Variants in FHOD3 observed in about 807,000 individuals in gnomAD.
FHOD3 encodes the protein formin homology 2 domain containing 3.
FHOD3 carries 90 observed loss-of-function variants against 173.0 expected under a neutral mutation model. That is an observed-to-expected ratio of 0.52 (90% CI 0.44 to 0.62). The LOEUF is 0.62. FHOD3 is among the 20% of genes least tolerant of loss of function. The pLI is 0.00. For synonymous variants in FHOD3, 828 were observed against 823.0 expected (o/e 1.01, Z -0.10); for missense variants, 1,945 against 2,034.7 (o/e 0.96, Z 0.85).
intron 3 of FHOD3, among the ~76,000 whole-genome samples, chr18:36,493,764 T>C (rs1279018405): frequency 6.6e-6 from 1 of 152,286 alleles, no homozygotes; most frequent in African/African-American, 2.4e-5. Context: ...ACCTGGACAT[T>C]GCGCCTGTGA....
At position 36,388,762 on chromosome 18, in the gene FHOD3, G is replaced by GACC. The variant is rs2048151955; in HGVS notation, c.337+16029_337+16031dup. On this transcript the variant is annotated intron_variant, in intron 3 of 28. Coordinates refer to ENST00000590592, the MANE Select transcript of FHOD3 (RefSeq NM_001281740.3). ...AAAACCACAAGCAAAAAACAAAACA[G>GACC]ACCACCACCACCAACAATGAAGATG... Among the ~76,000 whole-genome samples the GACC allele has an allele frequency of 2.6e-5, 4 of 152,220 alleles. No individual in the cohort carries two copies. The South Asian group carries it at 8.3e-4, about 31-fold the overall frequency.
At chr18:36,453,438 A>G (rs897878687) in intron 3 of FHOD3, among the ~76,000 whole-genome samples, 19 of 152,254 alleles carry the variant, frequency 1.2e-4, no homozygotes, top group Non-Finnish European at 2.4e-4. Flanking sequence ...GAGTCCTGCA[A>G]CTAACTCCAA....
At chr18:36,709,711 C>A (rs2040067733) in intron 18 of FHOD3, 3 of 323,722 alleles carry the variant, frequency 9.3e-6, no homozygotes, top group African/African-American at 2.1e-5. Context: ...CTCTCACTTC[C>A]CCCTGACTGT....
chr18:36,670,024 C>A (rs192613483), intron 14 of FHOD3, among the ~76,000 whole-genome samples: 88 of 149,992 alleles, frequency 5.9e-4, no homozygotes, highest in Non-Finnish European at 1.1e-3. Flanking sequence ...AAGTTGATAG[C>A]GTTTTTTTTT....
At chr18:36,500,289 T>C (rs2054963083) in intron 3 of FHOD3, among the ~76,000 whole-genome samples, 1 of 152,196 alleles carries the variant, frequency 6.6e-6, no homozygotes, top group Non-Finnish European at 1.5e-5. Flanking sequence ...GCCAAGCAAA[T>C]ACTGAGCTTT....
chr18:36,671,876 A>C (rs532014344), intron 14 of FHOD3, among the ~76,000 whole-genome samples: 1 of 152,204 alleles, frequency 6.6e-6, no homozygotes, highest in African/African-American at 2.4e-5. Context: ...GTTCATTCAC[A>C]AAACAGTGAA....
chr18:36,453,979 TTA>T (rs1192035739), intron 3 of FHOD3, among the ~76,000 whole-genome samples: 1 of 152,206 alleles, frequency 6.6e-6, no homozygotes, highest in Admixed American at 6.5e-5. Flanking sequence ...GTTCTGTTCT[TTA>T]ATATTTAAAA....
chr18:36,734,414 G>C (rs531573700), intron 20 of FHOD3, among the ~76,000 whole-genome samples: 8 of 152,090 alleles, frequency 5.3e-5, no homozygotes, highest in African/African-American at 1.9e-4. Context: ...TCCATACATT[G>C]TCACATGCCC....
chr18:36,446,977 G>A (rs888413764), intron 3 of FHOD3, among the ~76,000 whole-genome samples: 2 of 152,172 alleles, frequency 1.3e-5, no homozygotes, highest in African/African-American at 4.8e-5. Context: ...GAGGTTGAGG[G>A]TGAGGCCAAC....
intron 17 of FHOD3, among the ~76,000 whole-genome samples, chr18:36,708,777 C>T (rs895707983): frequency 2.6e-5 from 4 of 152,204 alleles, no homozygotes; most frequent in Non-Finnish European, 5.9e-5. Context: ...GATCCTTCTC[C>T]TGCTTCGAAT....
Position 36,437,665 on chromosome 18 carries a change from C to CTTTTTTTTTT in FHOD3, c.338-64259_338-64250dup, listed in dbSNP as rs1555704498. Among the ~76,000 whole-genome samples, 25 of 69,456 alleles carry CTTTTTTTTTT rather than the reference C, an allele frequency of 3.6e-4. 1 individual carries two copies. The highest frequency in any genetic ancestry group is 1.0e-3 in the East Asian group (3 of 2,954). 45.6% of individuals were successfully genotyped at this position (69,456 alleles called of 152,430 possible). ...CATTGAGCTTCTGGTTTCTTTCTTT[C>CTTTTTTTTTT]TTTTTTTTTTTTTTTTTAAGACAGA... On this transcript the variant is annotated intron_variant, in intron 3 of 28. Transcript: ENST00000590592.
At chr18:36,640,713 C>T (rs568602758) in intron 10 of FHOD3, among the ~76,000 whole-genome samples, 11 of 152,280 alleles carry the variant, frequency 7.2e-5, no homozygotes, top group Non-Finnish European at 1.2e-4. Flanking sequence ...GCTTTCAGGA[C>T]AGCAGGCAAG....
intron 10 of FHOD3, among the ~76,000 whole-genome samples, chr18:36,633,147 CCTTAT>C (rs2034634687): frequency 6.6e-6 from 1 of 152,212 alleles, no homozygotes; most frequent in Non-Finnish European, 1.5e-5. Context: ...GGCAGTTTCC[CCTTAT>C]CTTCCAGTGT....
At chr18:36,647,028 G>C (rs760690332) in intron 10 of FHOD3, among the ~76,000 whole-genome samples, 20 of 152,166 alleles carry the variant, frequency 1.3e-4, no homozygotes, top group Admixed American at 3.3e-4. Flanking sequence ...CCTGAGGTCG[G>C]GAGTTTGAGA....
At chr18:36,645,962 CA>C (rs890292024) in intron 10 of FHOD3, among the ~76,000 whole-genome samples, 7 of 151,818 alleles carry the variant, frequency 4.6e-5, no homozygotes, top group African/African-American at 1.7e-4. Context: ...GGCTATCTAC[CA>C]AAAAAATCTA....
At chr18:36,504,997 G>A (rs1166242164) in intron 4 of FHOD3, among the ~76,000 whole-genome samples, 3 of 152,158 alleles carry the variant, frequency 2.0e-5, no homozygotes, top group African/African-American at 7.2e-5. Context: ...CCAGTTTTCA[G>A]CTGTGATATA....
At chr18:36,516,528 G>C (rs533185467) in intron 5 of FHOD3, among the ~76,000 whole-genome samples, 5 of 152,298 alleles carry the variant, frequency 3.3e-5, no homozygotes, top group African/African-American at 1.2e-4. Context: ...GAAGGTTGGG[G>C]TGTAGACTTA....
At chr18:36,671,589 A>G (rs371946668) in intron 14 of FHOD3, among the ~76,000 whole-genome samples, 9 of 152,384 alleles carry the variant, frequency 5.9e-5, no homozygotes, top group African/African-American at 1.7e-4. Flanking sequence ...ACTTTATGGG[A>G]AACTTTTATT....
intron 1 of FHOD3, among the ~76,000 whole-genome samples, chr18:36,307,335 G>A (rs1344815529): frequency 1.3e-5 from 2 of 152,180 alleles, no homozygotes; most frequent in East Asian, 3.9e-4. Flanking sequence ...CTCCACAGAT[G>A]GGGATGGACA....
Sources: gnomAD v4.1 joint callset for allele counts (sites outside exome capture counted in the v4.1 genomes callset) on GRCh38, gnomAD v4.1.1 for gene constraint, MANE v1.5 for transcripts, NCBI Gene and HGNC (gene_info 2026-07-23, HGNC 2026-07-21) for gene names.